The following NME7 variants were observed in gnomAD, a reference collection of about 807,000 sequenced individuals.
NME7 encodes NME/NM23 family member 7.
In NME7, 41 loss-of-function variants were observed where a neutral mutation model predicts 49.1. The ratio of observed to expected loss-of-function variants is 0.83; its 90% CI spans 0.65 to 1.08. NME7 has a LOEUF of 1.08. NME7 is among the 50% of genes least tolerant of loss of function. The probability of loss-of-function intolerance (pLI) is 0.00; values close to 1 mark genes in which losing one functional copy is unlikely to be tolerated. For missense variants in NME7, 423 were observed against 463.4 expected (o/e 0.91, Z 0.80); for synonymous variants, 139 against 150.6 (o/e 0.92, Z 0.56).
intron 11 of NME7, among the ~76,000 whole-genome samples, chr1:169,164,523 A>C (rs773946676): frequency 3.3e-5 from 5 of 152,228 alleles, no homozygotes; most frequent in Admixed American, 6.5e-5. Context: ...GAGGAAACCT[A>C]CGCATAGTGA....
At chr1:169,205,095 T>C (rs1660638844) in intron 10 of NME7, among the ~76,000 whole-genome samples, 1 of 152,162 alleles carries the variant, frequency 6.6e-6, no homozygotes, top group South Asian at 2.1e-4. Flanking sequence ...AATAGTATGC[T>C]TATGTTATTG....
intron 11 of NME7, among the ~76,000 whole-genome samples, chr1:169,168,301 C>G (rs1351643132): frequency 1.3e-5 from 2 of 152,176 alleles, no homozygotes; most frequent in Non-Finnish European, 1.5e-5. Context: ...TTGCCTCAGT[C>G]TCTCCTTCTG....
chr1:169,279,406 C>T (rs891113604), intron 7 of NME7, among the ~76,000 whole-genome samples: 3 of 152,206 alleles, frequency 2.0e-5, no homozygotes, highest in Admixed American at 6.5e-5. Context: ...GATCCCCTCC[C>T]CCAGCCTTGC....
chr1:169,330,413 A>T (rs1571394722), intron 1 of NME7, among the ~76,000 whole-genome samples: 1 of 152,084 alleles, frequency 6.6e-6, no homozygotes, highest in Admixed American at 6.6e-5. Flanking sequence ...GGCGTGGTGG[A>T]TCACACCTGT....
intron 11 of NME7, among the ~76,000 whole-genome samples, chr1:169,137,066 C>T (rs1418327263): frequency 6.6e-6 from 1 of 152,176 alleles, no homozygotes; most frequent in Non-Finnish European, 1.5e-5. Context: ...TGGATAAAAT[C>T]TAGTCAGTTT....
rs753294519 is a variant in NME7 at position 169,257,165 on chromosome 1, C to T, written c.755-19478G>A. 4.7e-4 allele frequency among the ~76,000 whole-genome samples: 63 copies of T among 134,662 alleles called. 8 individuals are homozygous for T. Among genetic ancestry groups the T allele is most frequent in the African/African-American group, 1.5e-3 (60 of 39,760 alleles). 88.3% of individuals were successfully genotyped at this position (134,662 alleles called of 152,430 possible). The stretch of plus-strand genomic sequence containing the variant: ...ATGGCGGGCGCCCCTCCCCCAGCCT[C>T]GCTGCCACCTTGCAGTTTGATCTCA... On this transcript the variant is annotated intron_variant, in intron 7 of 11. Transcript: ENST00000367811.
chr1:169,192,274 T>C (rs944618213), intron 10 of NME7, among the ~76,000 whole-genome samples: 1 of 152,116 alleles, frequency 6.6e-6, no homozygotes, highest in Non-Finnish European at 1.5e-5. Context: ...AAAGACAGTA[T>C]AGCTGGCCCT....
chr1:169,245,521 T>C, intron 7 of NME7, among the ~76,000 whole-genome samples: 1 of 152,190 alleles, frequency 6.6e-6, no homozygotes, highest in Non-Finnish European at 1.5e-5. Flanking sequence ...CAAGGAAATC[T>C]TGCAGTTTAT....
chr1:169,346,598 T>G (rs1652959506), intron 1 of NME7, among the ~76,000 whole-genome samples: 1 of 152,192 alleles, frequency 6.6e-6, no homozygotes, highest in Non-Finnish European at 1.5e-5. Flanking sequence ...CCCTGCTCAT[T>G]TTTTTCCCGT....
chr1:169,246,909 A>G (rs973681102), intron 7 of NME7: 2 of 416,084 alleles, frequency 4.8e-6, no homozygotes, highest in African/African-American at 4.1e-5. Flanking sequence ...AGATATACCT[A>G]CAATATGGTG....
intron 1 of NME7, among the ~76,000 whole-genome samples, chr1:169,362,549 T>C (rs1398727565): frequency 6.6e-6 from 1 of 152,122 alleles, no homozygotes; most frequent in Non-Finnish European, 1.5e-5. Context: ...ATTCCAGAAT[T>C]TGGAAGCCTC....
chr1:169,159,042 C>G (rs183912728), intron 11 of NME7, among the ~76,000 whole-genome samples: 83 of 152,278 alleles, frequency 5.5e-4, no homozygotes, highest in African/African-American at 1.9e-3. Flanking sequence ...TTACTCACTT[C>G]CTTTCTAAAA....
At chr1:169,161,242 C>T (rs1055219430) in intron 11 of NME7, among the ~76,000 whole-genome samples, 2 of 152,214 alleles carry the variant, frequency 1.3e-5, no homozygotes, top group Admixed American at 1.3e-4. Flanking sequence ...AGTCTTACTG[C>T]ACTATTTTTA....
chr1:169,270,543 T>A (rs547066728), intron 7 of NME7, among the ~76,000 whole-genome samples: 1 of 134,682 alleles, frequency 7.4e-6, no homozygotes, highest in Non-Finnish European at 1.7e-5. Flanking sequence ...ATGTTGGATT[T>A]TTGTTAGCAT....
chr1:169,244,228 T>G (rs1558004416), intron 7 of NME7, among the ~76,000 whole-genome samples: 1 of 152,204 alleles, frequency 6.6e-6, no homozygotes, highest in Non-Finnish European at 1.5e-5. Flanking sequence ...ATTTCTTTCC[T>G]TCTTACCATT....
chr1:169,334,549 T>C (rs1652384516), intron 1 of NME7, among the ~76,000 whole-genome samples: 1 of 152,074 alleles, frequency 6.6e-6, no homozygotes, highest in African/African-American at 2.4e-5. Flanking sequence ...TTACACTTTA[T>C]AGAAAAATTA....
chr1:169,289,381 G>A (rs985535164), intron 6 of NME7, among the ~76,000 whole-genome samples: 2 of 152,128 alleles, frequency 1.3e-5, no homozygotes, highest in Admixed American at 6.6e-5. Context: ...ATTTGGGAAT[G>A]ACTGAAATTC....
rs1271193327 is a variant in NME7 at position 169,132,553 on chromosome 1, T to A, written c.*232A>T. The A allele has an allele frequency of 2.3e-6, 1 of 432,872 alleles. No individual in the cohort carries two copies. The highest frequency in any genetic ancestry group is 4.1e-6 in the Non-Finnish European group (1 of 246,578). 26.8% of individuals were successfully genotyped at this position (432,872 alleles called of 1,614,324 possible). ...CACTTGTTTGAAAATAAATCTTTAT[T>A]TTGAACTTTATAAAAAGCAATGCAG... On this transcript the variant is annotated 3_prime_UTR_variant, in exon 12 of 12. Coordinates refer to ENST00000367811, the MANE Select transcript of NME7 (RefSeq NM_013330.5).
At chr1:169,246,717 T>C (rs1043968037) in intron 7 of NME7, among the ~76,000 whole-genome samples, 1 of 152,158 alleles carries the variant, frequency 6.6e-6, no homozygotes, top group Non-Finnish European at 1.5e-5. Flanking sequence ...CAGCTAGGAC[T>C]ACAGGCATGT....
Sources: gnomAD v4.1 joint callset for allele counts (sites outside exome capture counted in the v4.1 genomes callset) on GRCh38, gnomAD v4.1.1 for gene constraint, MANE v1.5 for transcripts, NCBI Gene and HGNC (gene_info 2026-07-23, HGNC 2026-07-21) for gene names.